The following NRG1 variants were observed in gnomAD, a reference collection of about 807,000 sequenced individuals.
NRG1 encodes pro-neuregulin-1, membrane-bound isoform.
Under a neutral mutation model 63.8 loss-of-function variants are expected in NRG1, and 18 were observed. The ratio of observed to expected loss-of-function variants is 0.28; its 90% CI spans 0.19 to 0.42. NRG1 has a LOEUF of 0.42. NRG1 is among the 10% of genes least tolerant of loss of function. NRG1 has a pLI of 1.00. For synonymous variants in NRG1, 302 were observed against 301.3 expected (o/e 1.00, Z -0.02); for missense variants, 762 against 814.7 (o/e 0.94, Z 0.79).
intron 1 of NRG1, among the ~76,000 whole-genome samples, chr8:32,154,099 G>A (rs535798214): frequency 9.2e-5 from 14 of 152,128 alleles, no homozygotes; most frequent in Non-Finnish European, 2.1e-4. Context: ...CTGATGAGGA[G>A]AATGGAAGTT....
chr8:32,681,497 A>G (rs1808612200), intron 5 of NRG1, among the ~76,000 whole-genome samples: 1 of 152,130 alleles, frequency 6.6e-6, no homozygotes, highest in Admixed American at 6.6e-5. Flanking sequence ...ATTAACTGAG[A>G]ACTAAAGATA....
chr8:31,647,689 C>CTG (rs771396783), intron 1 of NRG1, among the ~76,000 whole-genome samples: 1 of 152,178 alleles, frequency 6.6e-6, no homozygotes, highest in Non-Finnish European at 1.5e-5. Context: ...GCACAAAGGG[C>CTG]CACAGCATTG....
exon 12 of NRG1, chr8:32,764,013 C>A (rs773745166): frequency 1.2e-6 from 2 of 1,613,962 alleles, no homozygotes; most frequent in Non-Finnish European, 1.7e-6. Context: ...CAGTAACAGC[C>A]TCCCTGCTAG....
At chr8:32,661,582 C>A (rs1802860198) in intron 5 of NRG1, among the ~76,000 whole-genome samples, 1 of 150,344 alleles carries the variant, frequency 6.7e-6, no homozygotes, top group Non-Finnish European at 1.5e-5. Flanking sequence ...TAGTAAGAAA[C>A]ACGGGCTGGT....
chr8:31,874,733 C>T (rs1378092439), intron 1 of NRG1, among the ~76,000 whole-genome samples: 1 of 151,786 alleles, frequency 6.6e-6, no homozygotes. Context: ...ATTGATCATC[C>T]CCACCTTCCC....
At chr8:32,731,066 A>G (rs927587662) in intron 6 of NRG1, among the ~76,000 whole-genome samples, 1 of 152,192 alleles carries the variant, frequency 6.6e-6, no homozygotes, top group Admixed American at 6.5e-5. Flanking sequence ...GTGAGTGCAT[A>G]TGATAGTTTC....
intron 7 of NRG1, among the ~76,000 whole-genome samples, chr8:32,750,101 A>C (rs1828384117): frequency 1.3e-5 from 2 of 152,220 alleles, no homozygotes; most frequent in Non-Finnish European, 2.9e-5. Context: ...ACACAATATT[A>C]AATGCACAGA....
At chr8:32,173,432 C>T (rs1840310942) in intron 1 of NRG1, among the ~76,000 whole-genome samples, 1 of 152,188 alleles carries the variant, frequency 6.6e-6, no homozygotes, top group Admixed American at 6.5e-5. Flanking sequence ...ACTGCATCCA[C>T]TAACGAGCAA....
chr8:31,797,767 G>C (rs1586486362), intron 1 of NRG1, among the ~76,000 whole-genome samples: 2 of 152,098 alleles, frequency 1.3e-5, no homozygotes. Context: ...ATTCACAATA[G>C]CCAAGATATA....
At chr8:31,686,707 T>C (rs1251750289) in intron 1 of NRG1, among the ~76,000 whole-genome samples, 1 of 152,192 alleles carries the variant, frequency 6.6e-6, no homozygotes, top group East Asian at 1.9e-4. Context: ...TTTTGCCAAA[T>C]TGGCTACCTT....
chr8:32,074,544 G>A (rs753865980), intron 1 of NRG1, among the ~76,000 whole-genome samples: 3 of 152,116 alleles, frequency 2.0e-5, no homozygotes, highest in Non-Finnish European at 1.5e-5. Context: ...AAGCCTCTAC[G>A]TCTTTATCTT....
intron 5 of NRG1, among the ~76,000 whole-genome samples, chr8:32,638,522 C>T (rs1001354405): frequency 4.6e-5 from 7 of 152,128 alleles, no homozygotes; most frequent in Admixed American, 2.6e-4. Context: ...GAGATATGGT[C>T]TCCTTCTGTT....
At chr8:32,232,564 C>A (rs1166824534) in intron 1 of NRG1, among the ~76,000 whole-genome samples, 1 of 152,078 alleles carries the variant, frequency 6.6e-6, no homozygotes, top group Non-Finnish European at 1.5e-5. Context: ...CCTGGCTACC[C>A]AGACTACAAA....
At chr8:31,963,365 G>A (rs1805786333) in intron 1 of NRG1, among the ~76,000 whole-genome samples, 1 of 152,100 alleles carries the variant, frequency 6.6e-6, no homozygotes, top group Non-Finnish European at 1.5e-5. Flanking sequence ...CTTGAATATT[G>A]GAATTTTTGA....
rs184302765 is a variant in NRG1 at position 32,357,522 on chromosome 8, C to T, written c.38-238306C>T. Among the ~76,000 whole-genome samples, 182 of 152,252 alleles carry T rather than the reference C, an allele frequency of 1.2e-3. 1 individual carries two copies. Among genetic ancestry groups the T allele is most frequent in the African/African-American group, 4.3e-3 (179 of 41,544 alleles). ...ATTTATTTCCCTTTTATTGAGCTCA[C>T]CCAACAAAAGTTTTTTTCATCATGT... On this transcript the variant is annotated intron_variant, in intron 1 of 10. Transcript: ENST00000519301.
chr8:32,528,274 A>G (rs1360303014), intron 1 of NRG1, among the ~76,000 whole-genome samples: 1 of 152,172 alleles, frequency 6.6e-6, no homozygotes, highest in African/African-American at 2.4e-5. Flanking sequence ...TTGTTATGTG[A>G]GTATAAGCTT....
At chr8:32,062,096 A>G (rs1379980019) in intron 1 of NRG1, among the ~76,000 whole-genome samples, 2 of 152,030 alleles carry the variant, frequency 1.3e-5, no homozygotes, top group African/African-American at 4.8e-5. Flanking sequence ...GAAAAAGAGC[A>G]TGCTATAGGA....
At chr8:32,236,542 T>A (rs79831418) in intron 1 of NRG1, among the ~76,000 whole-genome samples, 6,943 of 152,174 alleles carry the variant, frequency 0.046, 282 homozygotes, top group Middle Eastern at 0.12. Context: ...AAGCCATGAA[T>A]TGGAGTCTGG....
In NRG1 at chr8:32,747,732, G is replaced by GTATATATATATATATATATATATA. The variant is rs35663919; in HGVS notation, c.691+5002_691+5025dup. On this transcript the variant is annotated intron_variant, in intron 7 of 11. Transcript: ENST00000356819. ...TGTTTGTGTGCATATATGTGTGTGT[G>GTATATATATATATATATATATATA]TATATATATATATATATATATATAT... Among the ~76,000 whole-genome samples the GTATATATATATATATATATATATA allele has an allele frequency of 8.0e-4, 105 of 132,068 alleles. 1 individual carries two copies. The highest frequency in any genetic ancestry group is 3.0e-3 in the African/African-American group (102 of 33,648). 86.6% of individuals were successfully genotyped at this position (132,068 alleles called of 152,430 possible). A position where few individuals can be genotyped will look rare whatever the true frequency, so the allele number is the denominator to read the frequency against.
Sources: allele counts gnomAD v4.1 joint callset (sites outside exome capture counted in the v4.1 genomes callset), GRCh38; gene constraint gnomAD v4.1.1; transcripts MANE v1.5; gene names NCBI Gene and HGNC (gene_info 2026-07-23, HGNC 2026-07-21).